The following CGN variants were observed in gnomAD, a reference collection of about 807,000 sequenced individuals.
CGN encodes cingulin.
Under a neutral mutation model 157.1 loss-of-function variants are expected in CGN, and 121 were observed. The ratio of observed to expected loss-of-function variants is 0.77; its 90% CI spans 0.66 to 0.90. The LOEUF (loss-of-function observed/expected upper bound fraction) is 0.90, where lower values mean the gene tolerates loss of function less well. CGN is among the 40% of genes least tolerant of loss of function. The probability of loss-of-function intolerance (pLI) is 0.00; values close to 1 mark genes in which losing one functional copy is unlikely to be tolerated. For missense variants in CGN, 1,424 were observed against 1,520.9 expected (o/e 0.94, Z 1.06); for synonymous variants, 535 against 607.5 (o/e 0.88, Z 1.76).
In CGN at chr1:151,532,482, G is replaced by A. The variant is rs748006010; in HGVS notation, c.2652G>A (p.Arg884=). The change falls in exon 14 of 21, where the codon CGG becomes CGA. Residue 884 remains arginine, a synonymous_variant. Coordinates refer to ENST00000271636, the MANE Select transcript of CGN (RefSeq NM_020770.3). ...AQLEDYKEKA[R]REVADAQRQA... ...TGGAGGATTATAAGGAAAAGGCCCG[G>A]CGGGAGGTGGCAGATGCCCAGCGCC... is the stretch of plus-strand genomic sequence containing the variant. 1.2e-6 allele frequency: 2 copies of A among 1,610,536 alleles called. No individual in the cohort carries two copies. The highest frequency in any genetic ancestry group is 1.7e-6 in the Non-Finnish European group (2 of 1,178,932).
Position 151,535,113 on chromosome 1 carries a change from G to A in CGN, c.2976G>A (p.Val992=), listed in dbSNP as rs551187147. 1.5e-4 allele frequency: 243 copies of A among 1,613,952 alleles called. 5 individuals carry two copies. The South Asian group carries it at 2.5e-3, about 17-fold the overall frequency. ...KNTVELLTDR[V]NRGRDQVDQL... The stretch of plus-strand genomic sequence containing the variant: ...CCGTGGAGCTGCTAACAGATCGGGT[G>A]AATCGTGGCCGGGACCAGGTAACCG... The change falls in exon 16 of 21, where the codon GTG becomes GTA. Residue 992 remains valine, a synonymous_variant. Coordinates refer to ENST00000271636, the MANE Select transcript of CGN (RefSeq NM_020770.3).
rs772114789 is a variant in CGN, at chr1:151,520,308, T to C, written c.974+42T>C. On this transcript the variant is annotated intron_variant, in intron 3 of 20. Coordinates refer to ENST00000271636, the MANE Select transcript of CGN (RefSeq NM_020770.3). ...CCAACAACAGAGGCATACCCCTCCT[T>C]CTTTTTCTTCTAGCTTTGTTTCCCA... 1.9e-6 allele frequency: 3 copies of C among 1,571,240 alleles called. No homozygotes were observed. In the South Asian group the frequency reaches 3.3e-5, roughly 17 times the overall value.
Position 151,518,675 on chromosome 1 carries a change from G to T in CGN, c.156G>T (p.Gly52=). 6.2e-7 allele frequency: 1 copy of T among 1,614,206 alleles called. No individual in the cohort carries two copies. The highest frequency in any genetic ancestry group is 8.5e-7 in the Non-Finnish European group (1 of 1,180,044). Residue 52 remains glycine (G), a synonymous_variant, in exon 2 of 21, where the codon GGG becomes GGT. Coordinates refer to ENST00000271636, the MANE Select transcript of CGN (RefSeq NM_020770.3). ...PAKDARASTY[G]VAVRVQGIAG... is the part of the protein sequence containing the mutation. ...AGGATGCAAGAGCCAGTACCTACGG[G>T]GTTGCTGTGCGTGTGCAGGGAATCG...
intron 1 of CGN, chr1:151,515,363 C>T (rs1664385482): frequency 6.6e-6 from 1 of 152,034 alleles, no homozygotes; most frequent in African/African-American, 2.4e-5. Context: ...TGTATATGCC[C>T]ATATAATTAT....
At position 151,524,512 on chromosome 1, in the gene CGN, C is replaced by T. The variant is rs567639326; in HGVS notation, c.1401+154C>T. The stretch of plus-strand genomic sequence containing the variant: ...AGGTAGATTCAATGGTGTGTTGGGA[C>T]TAGAGTTAGGATAAAGGAAACCTAT... On this transcript the variant is annotated intron_variant, in intron 7 of 20. Coordinates refer to ENST00000271636, the MANE Select transcript of CGN (RefSeq NM_020770.3). This position sits in a 1 kb window ranked among gnomAD's most constrained non-coding sequence, Gnocchi z 4.4. Among the ~76,000 whole-genome samples the T allele has an allele frequency of 4.6e-5, 7 of 152,226 alleles. No individual in the cohort carries two copies. The South Asian group carries it at 1.2e-3, about 27-fold the overall frequency.
chr1:151,536,733 AGCCTGAG>A lies in CGN; in HGVS notation c.3312_3318del (p.Ser1104ArgfsTer2). ...GTGGACTTGGTATCCTGCCCAGCTA[AGCCTGAG>A]GGTGAAGGCTTTGAAGCGTCAGGTG... is the stretch of plus-strand genomic sequence containing the variant. On this transcript the variant is annotated frameshift_variant, in exon 20 of 21. Coordinates refer to ENST00000271636, the MANE Select transcript of CGN (RefSeq NM_020770.3). LOFTEE classifies it high-confidence loss of function. The A allele has an allele frequency of 1.9e-6, 3 of 1,614,130 alleles. No homozygotes were observed. Among genetic ancestry groups the A allele is most frequent in the Admixed American group, 1.7e-5 (1 of 60,016 alleles).
chr1:151,534,022 CACAGCCCGGCTGG>C lies in CGN; in HGVS notation c.2794_2806del (p.Ala932LysfsTer29). On this transcript the variant is annotated frameshift_variant, in exon 15 of 21. Transcript: ENST00000271636. LOFTEE classifies it high-confidence loss of function. ...TGCAGGCATCCCAGGCTGAGCGGGA[CACAGCCCGGCTGG>C]ACAAAGAGCTACTGGCCCAGCGACT... 1 of 1,613,358 alleles carries C rather than the reference CACAGCCCGGCTGG, an allele frequency of 6.2e-7. No individual in the cohort carries two copies. The highest frequency in any genetic ancestry group is 8.5e-7 in the Non-Finnish European group (1 of 1,179,920).
At chr1:151,536,401 T>C in intron 19 of CGN, 56 bp downstream of exon 19, 2 of 1,033,734 alleles carry the variant, frequency 1.9e-6, no homozygotes, top group Non-Finnish European at 3.0e-6. Context: ...TATTATATGT[T>C]TTCCTGAAAG....
intron 16 of CGN, 135 bp from the exon 17 acceptor site, chr1:151,535,465 G>C: frequency 1.4e-6 from 1 of 733,828 alleles, no homozygotes; most frequent in South Asian, 1.6e-5. Flanking sequence ...AATAGGCTGT[G>C]ATTTTTTAGT....
In CGN at chr1:151,519,316, C is replaced by T. The variant is rs1664487852; in HGVS notation, c.797C>T (p.Ser266Phe). 1.2e-6 allele frequency: 2 copies of T among 1,612,022 alleles called. No individual in the cohort carries two copies. Among genetic ancestry groups the T allele is most frequent in the South Asian group, 2.2e-5 (2 of 91,090 alleles). The change falls in exon 2 of 21, where the codon TCT becomes TTT. Residue 266 changes from serine (S) to phenylalanine (F), a missense_variant. By Grantham distance (155) the Ser-to-Phe change is radical. This residue lies in a region of CGN where 1,187 missense variants were observed against 1,217.6 expected (regional missense o/e 0.97). Coordinates refer to ENST00000271636, the MANE Select transcript of CGN (RefSeq NM_020770.3). ...AGTCCTCTCAGTGGCTTTAGCCGTT[C>T]TCGTCAGACTCAGGACTGGGTCCTT... ...NLSPLSGFSR[S>F]RQTQDWVLQS... is the part of the protein sequence containing the mutation.
Position 151,533,829 on chromosome 1 carries a change from G to A in CGN, c.2743-146G>A, listed in dbSNP as rs913927545. The A allele has an allele frequency of 6.9e-6, 5 of 719,492 alleles. No individual in the cohort carries two copies. The Admixed American group carries it at 9.2e-5, about 13-fold the overall frequency. 44.6% of individuals were successfully genotyped at this position (719,492 alleles called of 1,614,324 possible). A position where few individuals can be genotyped will look rare whatever the true frequency, so the allele number is the denominator to read the frequency against. On this transcript the variant is annotated intron_variant, in intron 14 of 20. Transcript: ENST00000271636. ...AAAAAAGAAAATGGATGAAAAGTCA[G>A]TTTGCTTTTTATTGTCATCATGCCA...
rs1320139332 is a variant in CGN at position 151,538,232 on chromosome 1, T to G, written c.*886T>G. The stretch of plus-strand genomic sequence containing the variant: ...GATATGGTTATAAGGTGGTTGCACC[T>G]GGGAGCCCTGACAACTGGCTGCACA... On this transcript the variant is annotated 3_prime_UTR_variant, in exon 21 of 21. Coordinates refer to ENST00000271636, the MANE Select transcript of CGN (RefSeq NM_020770.3). 6.6e-6 allele frequency: 1 copy of G among 152,282 alleles called. No individual in the cohort carries two copies. Among genetic ancestry groups the G allele is most frequent in the African/African-American group, 2.4e-5 (1 of 41,428 alleles). The allele number at this position is 152,282 out of a possible 1,614,324, so 9.4% of individuals were successfully genotyped here.
At chr1:151,522,854 C>T (rs12409024) in intron 5 of CGN, among the ~76,000 whole-genome samples, 7,431 of 151,514 alleles carry the variant, frequency 0.049, 868 homozygotes, top group East Asian at 0.44. Flanking sequence ...GTGGAGGTTG[C>T]GGTGAGCTGA....
At position 151,524,229 on chromosome 1, in the gene CGN, C is replaced by G; in HGVS notation, c.1272C>G (p.Leu424=). 1 of 1,613,214 alleles carries G rather than the reference C, an allele frequency of 6.2e-7. No homozygotes were observed. Among genetic ancestry groups the G allele is most frequent in the Non-Finnish European group, 8.5e-7 (1 of 1,179,570 alleles). ...KGEAQQSNKE[L]QNMKRLLDQG... The stretch of plus-strand genomic sequence containing the variant: ...CAATAATGTTATCTATTATTAGGCT[C>G]CAGAACATGAAGCGCCTCTTGGACC... Residue 424 remains leucine, a synonymous_variant, in exon 7 of 21, where the codon CTC becomes CTG. Coordinates refer to ENST00000271636, the MANE Select transcript of CGN (RefSeq NM_020770.3). This position sits in a 1 kb window ranked among gnomAD's most constrained non-coding sequence, Gnocchi z 4.4.
chr1:151,532,481 G>A lies in CGN; in HGVS notation c.2651G>A (p.Arg884Gln), dbSNP rs555535949. The A allele has an allele frequency of 6.8e-5, 109 of 1,610,110 alleles. No homozygotes were observed. The highest frequency in any genetic ancestry group is 8.3e-5 in the Non-Finnish European group (98 of 1,178,788). The change falls in exon 14 of 21, where the codon CGG becomes CAG. Residue 884 changes from arginine to glutamine, a missense_variant. Physicochemically the swap from Arg to Gln is conservative, Grantham distance 43. Transcript: ENST00000271636. ...AQLEDYKEKA[R>Q]REVADAQRQA... The stretch of plus-strand genomic sequence containing the variant: ...CTGGAGGATTATAAGGAAAAGGCCC[G>A]GCGGGAGGTGGCAGATGCCCAGCGC...
intron 11 of CGN, 100 bp from the exon 12 acceptor site, chr1:151,529,809 T>C: frequency 8.6e-7 from 1 of 1,165,838 alleles, no homozygotes; most frequent in Admixed American, 2.4e-5. Flanking sequence ...ATGGGCTGTC[T>C]TTGGGATGGC....
chr1:151,527,952 T>TA (rs1664729473), intron 10 of CGN: 70 of 80,288 alleles, frequency 8.7e-4, no homozygotes, highest in African/African-American at 2.9e-3. Context: ...ATATATATAT[T>TA]TTTTTTTTTT....
intron 5 of CGN, among the ~76,000 whole-genome samples, chr1:151,521,004 T>TA (rs1664532759): frequency 6.6e-6 from 1 of 152,318 alleles, no homozygotes; most frequent in South Asian, 2.1e-4. Context: ...AATTTTTTTT[T>TA]ATCATTATCA....
chr1:151,517,875 G>T (rs1664447648), intron 1 of CGN, among the ~76,000 whole-genome samples: 1 of 145,652 alleles, frequency 6.9e-6, no homozygotes, highest in African/African-American at 2.6e-5. Flanking sequence ...TTTTGAGACA[G>T]GGTCTCACTC....
Sources: allele counts gnomAD v4.1 joint callset (sites outside exome capture counted in the v4.1 genomes callset), GRCh38; gene constraint gnomAD v4.1.1; regional missense constraint gnomAD v4.1.1; non-coding constraint Gnocchi (gnomAD v3.1); transcripts MANE v1.5; gene names NCBI Gene and HGNC (gene_info 2026-07-23, HGNC 2026-07-21).